The following SYNE2 variants were observed in gnomAD, a reference collection of about 807,000 sequenced individuals.
The protein encoded by SYNE2 is nesprin-2.
A neutral mutation model predicts 856.3 loss-of-function variants in SYNE2; 431 were observed. The observed-to-expected ratio is 0.50, with a 90% CI of 0.47 to 0.55. SYNE2 has a LOEUF of 0.55. Among genes scored for constraint, SYNE2 ranks in the 20% least tolerant of loss-of-function variants. The pLI is 0.00. For missense variants in SYNE2, 8,129 were observed against 8,023.2 expected, an observed-to-expected ratio of 1.01 and a Z score of -0.50; for synonymous variants, 2,923 against 2,872.3, an observed-to-expected ratio of 1.02 and a Z score of -0.56.
At chr14:64,080,067 G>A (rs540244413) in intron 55 of SYNE2, among the ~76,000 whole-genome samples, 37 of 152,088 alleles carry the variant, frequency 2.4e-4, no homozygotes, top group African/African-American at 6.0e-4. Flanking sequence ...GTGTGTGTGC[G>A]CGTGCGTGTG....
chr14:64,027,628 G>A lies in SYNE2; in HGVS notation c.6549G>A (p.Lys2183=). 6.2e-7 allele frequency: 1 copy of A among 1,614,074 alleles called. No homozygotes were observed. The highest frequency in any genetic ancestry group is 2.2e-5 in the East Asian group (1 of 44,864). The change falls in exon 43 of 116, where the codon AAG becomes AAA. Residue 2183 remains lysine (K), a synonymous_variant. Transcript: ENST00000555002. Reference sequence around the variant, plus strand: ...TGCAGGAGAAGAAAGCTCAGTTAAAGATTTATAAGAAATTCCTCAAGAAAG... The same window carrying A: ...TGCAGGAGAAGAAAGCTCAGTTAAAAATTTATAAGAAATTCCTCAAGAAAG... ...HGLQEKKAQL[K]IYKKFLKKAQ...
intron 1 of SYNE2, among the ~76,000 whole-genome samples, chr14:63,859,103 A>G (rs1023613808): frequency 1.3e-5 from 2 of 152,008 alleles, no homozygotes; most frequent in Non-Finnish European, 2.9e-5. Context: ...GACGAGGGGC[A>G]TTTGTTCCCA....
chr14:63,866,034 A>G (rs1895220162), intron 1 of SYNE2, among the ~76,000 whole-genome samples: 1 of 152,116 alleles, frequency 6.6e-6, no homozygotes, highest in African/African-American at 2.4e-5. Flanking sequence ...TTTCTAAGAA[A>G]TATTTTTTTC....
At chr14:64,158,585 A>G in intron 85 of SYNE2, 40 bp from the exon 86 acceptor site, 1 of 1,607,802 alleles carries the variant, frequency 6.2e-7, no homozygotes, top group South Asian at 1.1e-5. Context: ...ATGTCTTCTC[A>G]GTGATTTTCT....
intron 1 of SYNE2, among the ~76,000 whole-genome samples, chr14:63,815,168 C>T (rs139939066): frequency 3.6e-4 from 1 of 2,740 alleles, no homozygotes; most frequent in African/African-American, 1.2e-3. Context: ...CCATATATAT[C>T]CACATATATA....
chr14:63,985,660 TTAAG>T (rs368118461), intron 18 of SYNE2, among the ~76,000 whole-genome samples: 41 of 152,334 alleles, frequency 2.7e-4, no homozygotes, highest in African/African-American at 8.9e-4. Flanking sequence ...GATATTATAA[TTAAG>T]TAAGAAACCG....
intron 83 of SYNE2, among the ~76,000 whole-genome samples, chr14:64,144,721 G>A (rs977136728): frequency 5.9e-5 from 9 of 152,112 alleles, no homozygotes; most frequent in Non-Finnish European, 1.3e-4. Context: ...GTAAAGAACC[G>A]TAATAATAAT....
Position 64,101,715 on chromosome 14 carries a change from G to A in SYNE2, c.12382-217G>A, listed in dbSNP as rs117271470. Among the ~76,000 whole-genome samples, 194 of 152,264 alleles carry A rather than the reference G, an allele frequency of 1.3e-3. 4 individuals carry two copies. The East Asian group carries it at 0.033, about 26-fold the overall frequency. On this transcript the variant is annotated intron_variant, in intron 63 of 115. Transcript: ENST00000555002. ...GTGAGCCGAGCCCCTACTTTTAAAA[G>A]TATTTTCTAGGCTTTAGGAAGAGCA...
intron 50 of SYNE2, among the ~76,000 whole-genome samples, chr14:64,065,202 A>G (rs988905441): frequency 1.3e-5 from 2 of 152,150 alleles, no homozygotes; most frequent in Non-Finnish European, 2.9e-5. Context: ...TTGGAAAAAA[A>G]TGGTTTATGG....
At chr14:64,133,762 A>G (rs990577951) in intron 77 of SYNE2, among the ~76,000 whole-genome samples, 4 of 152,324 alleles carry the variant, frequency 2.6e-5, no homozygotes, top group South Asian at 2.1e-4. Context: ...CGGAGTTGCT[A>G]AGAGTATCAT....
intron 57 of SYNE2, among the ~76,000 whole-genome samples, chr14:64,086,676 T>C (rs367893762): frequency 6.7e-6 from 1 of 149,428 alleles, no homozygotes; most frequent in Admixed American, 6.7e-5. Context: ...TTCTCAACAA[T>C]GTTTTGTGAT....
In SYNE2 at chr14:64,017,616, T is replaced by A. The variant is rs781393158; in HGVS notation, c.4909T>A (p.Tyr1637Asn). ...WLDINEKTEDYYENLGRALAL... is the reference protein window; with the variant it reads ...WLDINEKTEDNYENLGRALAL... Reference sequence around the variant, plus strand: ...GTAGATAAATGAGAAGACAGAAGATTACTATGAAAATCTTGGTCGAGCTCT... The same window carrying A: ...GTAGATAAATGAGAAGACAGAAGATAACTATGAAAATCTTGGTCGAGCTCT... The change falls in exon 34 of 116, where the codon TAC becomes AAC. Residue 1637 changes from tyrosine to asparagine, a missense_variant. Coordinates refer to ENST00000555002, the MANE Select transcript of SYNE2 (RefSeq NM_182914.3). 1.2e-6 allele frequency: 2 copies of A among 1,612,826 alleles called. No homozygotes were observed. Among genetic ancestry groups the A allele is most frequent in the Non-Finnish European group, 1.7e-6 (2 of 1,179,250 alleles).
At chr14:63,844,279 C>T (rs1041646630) in intron 1 of SYNE2, among the ~76,000 whole-genome samples, 1 of 152,184 alleles carries the variant, frequency 6.6e-6, no homozygotes, top group Non-Finnish European at 1.5e-5. Context: ...TCATACAGTA[C>T]GTGGAGATTG....
At chr14:63,809,563 T>A (rs1888532881) in intron 1 of SYNE2, among the ~76,000 whole-genome samples, 1 of 152,206 alleles carries the variant, frequency 6.6e-6, no homozygotes, top group Non-Finnish European at 1.5e-5. Context: ...CTCTGCATCC[T>A]CCACTCCTGG....
chr14:64,223,666 A>C (rs1367522445), intron 113 of SYNE2, among the ~76,000 whole-genome samples: 1 of 152,126 alleles, frequency 6.6e-6, no homozygotes, highest in Non-Finnish European at 1.5e-5. Flanking sequence ...GGTTCTTGCC[A>C]TGCTGCCCAG....
intron 32 of SYNE2, among the ~76,000 whole-genome samples, chr14:64,014,002 C>T (rs1158340203): frequency 6.6e-6 from 1 of 152,052 alleles, no homozygotes; most frequent in Admixed American, 6.5e-5. Context: ...CCATCCACTT[C>T]CCTCCTCCTC....
chr14:64,216,418 T>C (rs368693734), intron 108 of SYNE2, 31 bp downstream of exon 108: 23 of 1,608,624 alleles, frequency 1.4e-5, no homozygotes, highest in Non-Finnish European at 2.0e-5. Flanking sequence ...GAGTACAGCC[T>C]ATGTCTGTGA....
intron 60 of SYNE2, among the ~76,000 whole-genome samples, chr14:64,092,952 GC>G (rs1284621367): frequency 6.6e-6 from 1 of 150,466 alleles, no homozygotes; most frequent in African/African-American, 2.5e-5. Flanking sequence ...TATGCGGAAA[GC>G]CCCCCCGCTC....
chr14:63,860,345 A>C (rs992405009), intron 1 of SYNE2, among the ~76,000 whole-genome samples: 2 of 152,084 alleles, frequency 1.3e-5, no homozygotes, highest in African/African-American at 4.8e-5. Context: ...CTGCATTAGG[A>C]GGAGGGAGGT....
Sources: allele counts gnomAD v4.1 joint callset (sites outside exome capture counted in the v4.1 genomes callset), GRCh38; gene constraint gnomAD v4.1.1; transcripts MANE v1.5; gene names NCBI Gene and HGNC (gene_info 2026-07-23, HGNC 2026-07-21).